The following AKNAD1 variants were observed in gnomAD, a reference collection of about 807,000 sequenced individuals.
The protein encoded by AKNAD1 is AKNA domain containing 1.
AKNAD1 carries 67 observed loss-of-function variants against 90.8 expected under a neutral mutation model. The observed-to-expected ratio is 0.74, with a 90% CI of 0.61 to 0.90. AKNAD1 has a LOEUF of 0.90. Among genes scored for constraint, AKNAD1 ranks in the 40% least tolerant of loss-of-function variants. The pLI, the probability that AKNAD1 is intolerant of heterozygous loss-of-function variation, is 0.00. For synonymous variants in AKNAD1, 327 were observed against 341.4 expected, an observed-to-expected ratio of 0.96 and a Z score of 0.46; for missense variants, 957 against 975.4, an observed-to-expected ratio of 0.98 and a Z score of 0.25.
At chr1:108,849,888 A>G (rs1345458372) in intron 2 of AKNAD1, among the ~76,000 whole-genome samples, 1 of 152,224 alleles carries the variant, frequency 6.6e-6, no homozygotes, top group Admixed American at 6.5e-5. Context: ...GTAAGCATGT[A>G]ACAATACATG....
Position 108,816,180 on chromosome 1 carries a change from C to T in AKNAD1, c.2502G>A (p.Leu834=). ...LAKAQRWRNR[L]KY is the part of the protein sequence containing the mutation. ...GTAGCCTAGCGTTGAACTAGTATTT[C>T]AGTCGATTCCTCCACCTCTGTGCTT... The change falls in exon 16 of 16, where the codon CTG becomes CTA. Residue 834 remains leucine, a synonymous_variant. Coordinates refer to ENST00000370001, the MANE Select transcript of AKNAD1 (RefSeq NM_152763.5). The T allele has an allele frequency of 6.2e-7, 1 of 1,603,772 alleles. No individual in the cohort carries two copies. The highest frequency in any genetic ancestry group is 8.5e-7 in the Non-Finnish European group (1 of 1,176,406).
chr1:108,818,981 A>AAAAAC (rs1663724677), intron 14 of AKNAD1, among the ~76,000 whole-genome samples: 1 of 150,790 alleles, frequency 6.6e-6, no homozygotes, highest in Non-Finnish European at 1.5e-5. Flanking sequence ...AAAAAAAAAA[A>AAAAAC]CCAAGAAGTC....
intron 10 of AKNAD1, among the ~76,000 whole-genome samples, chr1:108,827,813 CA>C (rs11369356): frequency 5.3e-4 from 61 of 115,098 alleles, no homozygotes; most frequent in East Asian, 2.2e-3. Flanking sequence ...GACTCCTACT[CA>C]AAAAAAAAAA....
At chr1:108,848,051 T>C (rs1281174164) in intron 5 of AKNAD1, among the ~76,000 whole-genome samples, 3 of 152,210 alleles carry the variant, frequency 2.0e-5, no homozygotes, top group Admixed American at 2.0e-4. Flanking sequence ...CTGGTTTTTG[T>C]CCATGCTGCT....
intron 8 of AKNAD1, 52 bp downstream of exon 8, chr1:108,834,876 AG>A: frequency 6.7e-7 from 1 of 1,496,178 alleles, no homozygotes; most frequent in Non-Finnish European, 8.9e-7. Context: ...TGCATGAGGA[AG>A]GGGCCTCTTT....
chr1:108,842,341 C>G (rs1007853725), intron 6 of AKNAD1, among the ~76,000 whole-genome samples: 4 of 152,118 alleles, frequency 2.6e-5, no homozygotes, highest in African/African-American at 9.7e-5. Context: ...AATATTAAGC[C>G]TACTAAATAG....
Position 108,843,193 on chromosome 1 carries a change from A to T in AKNAD1, c.1320T>A (p.Thr440=). The T allele has an allele frequency of 6.2e-7, 1 of 1,614,204 alleles. No homozygotes were observed. The highest frequency in any genetic ancestry group is 1.1e-5 in the South Asian group (1 of 91,076). Residue 440 remains threonine, a synonymous_variant, in exon 6 of 16, where the codon ACT becomes ACA. Transcript: ENST00000370001. ...NFLATKDKHL[T]LQQQVHKHES... ...CGTGCTTGTGGACTTGCTGCTGCAA[A>T]GTCAGATGCTTGTCCTTGGTGGCCA...
chr1:108,842,664 AAG>A (rs1276855379), intron 6 of AKNAD1, among the ~76,000 whole-genome samples: 1 of 152,130 alleles, frequency 6.6e-6, no homozygotes, highest in African/African-American at 2.4e-5. Flanking sequence ...GAAAAGGGGA[AAG>A]AGAGGGACAG....
At chr1:108,849,678 G>C in intron 2 of AKNAD1, 102 bp from the exon 3 acceptor site, 1 of 852,012 alleles carries the variant, frequency 1.2e-6, no homozygotes, top group Middle Eastern at 2.2e-4. Context: ...GGGAGCCCAG[G>C]TTTGCAGTCA....
At chr1:108,853,374 A>G (rs1427350350) in intron 1 of AKNAD1, among the ~76,000 whole-genome samples, 1 of 150,144 alleles carries the variant, frequency 6.7e-6, no homozygotes, top group Non-Finnish European at 1.5e-5. Context: ...CTCGTGATCC[A>G]CCCGCCTTGG....
chr1:108,830,767 G>C (rs1178532280), intron 9 of AKNAD1, 117 bp from the exon 10 acceptor site: 2 of 913,408 alleles, frequency 2.2e-6, no homozygotes, highest in African/African-American at 1.6e-5. Flanking sequence ...CTCAGGCAGA[G>C]AGACTCGCCA....
chr1:108,851,338 C>CA (rs1664856733), intron 2 of AKNAD1, among the ~76,000 whole-genome samples: 1 of 152,148 alleles, frequency 6.6e-6, no homozygotes, highest in African/African-American at 2.4e-5. Context: ...GGCAGGAACT[C>CA]AGAGAGCTCA....
chr1:108,835,913 C>T (rs535838006), intron 7 of AKNAD1, among the ~76,000 whole-genome samples: 11 of 152,248 alleles, frequency 7.2e-5, no homozygotes, highest in Admixed American at 2.6e-4. Flanking sequence ...CGTGAGCCAC[C>T]GCACCTGGCT....
intron 2 of AKNAD1, among the ~76,000 whole-genome samples, chr1:108,850,412 C>T (rs2101215713): frequency 6.6e-6 from 1 of 152,244 alleles, no homozygotes; most frequent in Admixed American, 6.5e-5. Flanking sequence ...CCACGGGGCA[C>T]TGAGAACTGG....
chr1:108,851,481 A>G (rs925320549), intron 2 of AKNAD1, among the ~76,000 whole-genome samples, 191 bp downstream of exon 2: 2 of 152,152 alleles, frequency 1.3e-5, no homozygotes, highest in Non-Finnish European at 2.9e-5. Flanking sequence ...TGTTTTTGTC[A>G]GTGTAGCCTG....
In AKNAD1 at chr1:108,823,462, T is replaced by C; in HGVS notation, c.2075A>G (p.Tyr692Cys). The change falls in exon 13 of 16, where the codon TAC becomes TGC. Residue 692 changes from tyrosine (Y) to cysteine (C), a missense_variant. Tyr to Cys is a radical substitution (Grantham distance 194). Transcript: ENST00000370001. Reference sequence around the variant, plus strand: ...TGAGTAATTCTGTCCTGGAGTGTTGTATCTATAATGAAATTCTGGGAAGAA... The same window carrying C: ...TGAGTAATTCTGTCCTGGAGTGTTGCATCTATAATGAAATTCTGGGAAGAA... The part of the protein sequence containing the change: ...KEPTKEFHYR[Y>C]NTPGQNYSNH... The C allele has an allele frequency of 6.2e-7, 1 of 1,614,032 alleles. No homozygotes were observed. Among genetic ancestry groups the C allele is most frequent in the African/African-American group, 1.3e-5 (1 of 75,048 alleles).
intron 11 of AKNAD1, among the ~76,000 whole-genome samples, chr1:108,824,064 C>A (rs543197215): frequency 2.4e-4 from 36 of 152,314 alleles, no homozygotes; most frequent in African/African-American, 8.4e-4. Flanking sequence ...TTCTCTCAGA[C>A]CCTGCTGTGG....
At chr1:108,845,465 C>T (rs531071809) in intron 5 of AKNAD1, among the ~76,000 whole-genome samples, 1 of 152,366 alleles carries the variant, frequency 6.6e-6, no homozygotes, top group Non-Finnish European at 1.5e-5. Context: ...GCTCTAGGAC[C>T]TGCTTTTCCT....
chr1:108,820,785 G>A (rs191288047), intron 13 of AKNAD1, among the ~76,000 whole-genome samples, 159 bp from the exon 14 acceptor site: 3 of 152,214 alleles, frequency 2.0e-5, no homozygotes, highest in Admixed American at 2.0e-4. Flanking sequence ...ACTTTTGCTG[G>A]GCGCGGTGGC....
Sources: allele counts gnomAD v4.1 joint callset (sites outside exome capture counted in the v4.1 genomes callset), GRCh38; gene constraint gnomAD v4.1.1; transcripts MANE v1.5; gene names NCBI Gene and HGNC (gene_info 2026-07-23, HGNC 2026-07-21).